Variants in EXOC2 observed in about 807,000 individuals in gnomAD.
EXOC2 encodes exocyst complex component 2.
In EXOC2, 70 loss-of-function variants were observed where a neutral mutation model predicts 131.8. The ratio of observed to expected loss-of-function variants is 0.53; its 90% CI spans 0.44 to 0.65. The LOEUF (loss-of-function observed/expected upper bound fraction) is 0.65, where lower values mean the gene tolerates loss of function less well. Among genes scored for constraint, EXOC2 ranks in the 30% least tolerant of loss-of-function variants. EXOC2 has a pLI of 0.00. For synonymous variants in EXOC2, 411 were observed against 398.4 expected, an observed-to-expected ratio of 1.03 and a Z score of -0.38; for missense variants, 923 against 1,108.6, an observed-to-expected ratio of 0.83 and a Z score of 2.38.
chr6:654,502 T>C (rs571204445), intron 1 of EXOC2, among the ~76,000 whole-genome samples: 50 of 152,082 alleles, frequency 3.3e-4, no homozygotes, highest in African/African-American at 1.1e-3. Flanking sequence ...GCAGGAGAAC[T>C]AAAATTAGAA....
At chr6:658,663 A>T (rs1408526897) in intron 1 of EXOC2, among the ~76,000 whole-genome samples, 3 of 71,868 alleles carry the variant, frequency 4.2e-5, no homozygotes, top group South Asian at 4.9e-4. Context: ...ATATATATAT[A>T]TATTTTTTTT....
chr6:692,956 C>G (rs13201522), intron 1 of EXOC2, 63 bp downstream of exon 1: 1 of 152,530 alleles, frequency 6.6e-6, no homozygotes, highest in Non-Finnish European at 1.5e-5. Context: ...GCGGCCACCT[C>G]CGTGCAGCTG....
chr6:615,169 A>G lies in EXOC2; in HGVS notation c.661+2542T>C, dbSNP rs534911015. Among the ~76,000 whole-genome samples the G allele has an allele frequency of 2.2e-5, 3 of 135,578 alleles. No homozygotes were observed. The South Asian group carries it at 7.5e-4, about 34-fold the overall frequency. The allele number at this position is 135,578 out of a possible 152,430, so 88.9% of individuals were successfully genotyped here. ...CAGAGACAGTAGAGGTTTGAAAAGT[A>G]TATGTGGGTGTGGGTGTGTGTGTGT... On this transcript the variant is annotated intron_variant, in intron 6 of 27. Coordinates refer to ENST00000230449, the MANE Select transcript of EXOC2 (RefSeq NM_018303.6).
intron 1 of EXOC2, among the ~76,000 whole-genome samples, chr6:658,284 GTAT>G (rs1763233050): frequency 6.6e-6 from 1 of 152,006 alleles, no homozygotes; most frequent in African/African-American, 2.4e-5. Context: ...TTTAATTTCT[GTAT>G]TATATTTCAA....
chr6:690,314 C>T (rs1316806539), intron 1 of EXOC2, among the ~76,000 whole-genome samples: 1 of 152,138 alleles, frequency 6.6e-6, no homozygotes, highest in Non-Finnish European at 1.5e-5. Flanking sequence ...TGTGACTGTG[C>T]CACTGCACTC....
intron 23 of EXOC2, 33 bp from the exon 24 acceptor site, chr6:499,733 TTAA>T (rs1454624304): frequency 1.3e-6 from 2 of 1,586,808 alleles, no homozygotes; most frequent in South Asian, 2.2e-5. Context: ...AAAGAAGGCA[TTAA>T]TAATAACACA....
chr6:553,005 C>T (rs188947495), intron 21 of EXOC2, among the ~76,000 whole-genome samples: 1 of 152,248 alleles, frequency 6.6e-6, no homozygotes, highest in East Asian at 1.9e-4. Context: ...GCAAGCTTCT[C>T]CTCTTGGGCT....
At chr6:616,753 A>T (rs112573651) in intron 6 of EXOC2, among the ~76,000 whole-genome samples, 1,806 of 149,576 alleles carry the variant, frequency 0.012, 37 homozygotes, top group African/African-American at 0.043. Context: ...TATTTATTTA[A>T]TTTATTTAGA....
intron 23 of EXOC2, 65 bp from the exon 24 acceptor site, chr6:499,765 G>T: frequency 7.5e-7 from 1 of 1,341,950 alleles, no homozygotes; most frequent in Non-Finnish European, 1.1e-6. Flanking sequence ...TCCCCTGCTG[G>T]CAGGCTGTAC....
intron 20 of EXOC2, 78 bp from the exon 21 acceptor site, chr6:553,998 A>C: frequency 9.0e-7 from 1 of 1,117,176 alleles, no homozygotes; most frequent in Non-Finnish European, 1.4e-6. Context: ...ACGCAAATTT[A>C]AACGTGCAAT....
intron 26 of EXOC2, among the ~76,000 whole-genome samples, chr6:489,320 A>G (rs78339176): frequency 0.012 from 1,806 of 152,352 alleles, 39 homozygotes; most frequent in African/African-American, 0.041. Context: ...TGCTAGTGAT[A>G]GAGGAGAGCT....
intron 1 of EXOC2, among the ~76,000 whole-genome samples, chr6:666,153 G>T (rs1045731151): frequency 2.7e-4 from 41 of 152,114 alleles, no homozygotes; most frequent in African/African-American, 9.9e-4. Context: ...GTGCCAATCC[G>T]TTAGGTGATG....
chr6:633,079 C>T lies in EXOC2; in HGVS notation c.157G>A (p.Glu53Lys), dbSNP rs551076085. 10 of 1,613,918 alleles carry T rather than the reference C, an allele frequency of 6.2e-6. No homozygotes were observed. The South Asian group carries it at 1.1e-4, about 18-fold the overall frequency. Reference sequence around the variant, plus strand: ...ACTATTTTACTTGCAGACATCCATTCTGCCGTCAGGAGGCAATTATGTCCA... The same window carrying T: ...ACTATTTTACTTGCAGACATCCATTTTGCCGTCAGGAGGCAATTATGTCCA... ...ICGHNCLLTA[E>K]WMSASKIVCR... The change falls in exon 3 of 28, where the codon GAA (glutamate) becomes AAA (lysine). Residue 53 changes from glutamate (E) to lysine (K), a missense_variant. Physicochemically the swap from Glu to Lys is moderately conservative, Grantham distance 56 (BLOSUM62 1). Transcript: ENST00000230449.
At chr6:536,168 G>A (rs1343894573) in intron 22 of EXOC2, among the ~76,000 whole-genome samples, 1 of 152,160 alleles carries the variant, frequency 6.6e-6, no homozygotes, top group African/African-American at 2.4e-5. Context: ...CCTAGTCCAT[G>A]AGATCTGGCA....
intron 23 of EXOC2, among the ~76,000 whole-genome samples, chr6:524,599 T>A (rs1253150606): frequency 6.6e-6 from 1 of 152,206 alleles, no homozygotes. Flanking sequence ...TAAAATAAGA[T>A]TGAATATGCT....
chr6:635,706 T>G (rs1363343536), intron 2 of EXOC2, among the ~76,000 whole-genome samples: 3 of 152,270 alleles, frequency 2.0e-5, no homozygotes, highest in African/African-American at 7.2e-5. Context: ...GTTTGCTTTT[T>G]TAAAAAATGG....
In EXOC2 at chr6:574,555, A is replaced by G. The variant is rs527873978; in HGVS notation, c.1319-1911T>C. Among the ~76,000 whole-genome samples the G allele has an allele frequency of 5.3e-5, 8 of 152,316 alleles. No individual in the cohort carries two copies. The South Asian group carries it at 1.7e-3, about 32-fold the overall frequency. ...TATAGAGCCTCTTTATTTATTAGGT[A>G]TATTAGCCCTTTGTCTATGCTAGGA... On this transcript the variant is annotated intron_variant, in intron 12 of 27. Coordinates refer to ENST00000230449, the MANE Select transcript of EXOC2 (RefSeq NM_018303.6).
At chr6:603,654 A>G (rs1760233685) in intron 7 of EXOC2, among the ~76,000 whole-genome samples, 1 of 152,068 alleles carries the variant, frequency 6.6e-6, no homozygotes, top group Non-Finnish European at 1.5e-5. Context: ...TTTGCCAGCC[A>G]GCCACTGAGC....
chr6:573,422 C>A (rs1758398993), intron 12 of EXOC2, among the ~76,000 whole-genome samples: 2 of 152,152 alleles, frequency 1.3e-5, no homozygotes, highest in Non-Finnish European at 2.9e-5. Context: ...GCCCCGCACT[C>A]CACTCGGTGG....
Sources: allele counts gnomAD v4.1 joint callset (sites outside exome capture counted in the v4.1 genomes callset), GRCh38; gene constraint gnomAD v4.1.1; transcripts MANE v1.5; gene names NCBI Gene and HGNC (gene_info 2026-07-23, HGNC 2026-07-21).